The following MAGI1 variants were observed in gnomAD, a reference collection of about 807,000 sequenced individuals.
MAGI1 encodes the protein membrane-associated guanylate kinase, WW and PDZ domain-containing protein 1.
In MAGI1, 58 loss-of-function variants were observed where a neutral mutation model predicts 139.9. The ratio of observed to expected loss-of-function variants is 0.41; its 90% CI spans 0.34 to 0.52. MAGI1 has a LOEUF of 0.52. Among genes scored for constraint, MAGI1 ranks in the 20% least tolerant of loss-of-function variants. The pLI is 0.12. For missense variants in MAGI1, 1,874 were observed against 1,901.6 expected (o/e 0.99, Z 0.27); for synonymous variants, 812 against 737.9 (o/e 1.10, Z -1.63).
At chr3:65,629,360 C>T (rs2084157327) in intron 1 of MAGI1, among the ~76,000 whole-genome samples, 1 of 152,156 alleles carries the variant, frequency 6.6e-6, no homozygotes, top group Non-Finnish European at 1.5e-5. Context: ...AATGGTATTT[C>T]ATTACAATTA....
chr3:65,969,899 G>A (rs1266584758), intron 1 of MAGI1, among the ~76,000 whole-genome samples: 2 of 152,148 alleles, frequency 1.3e-5, no homozygotes, highest in African/African-American at 4.8e-5. Context: ...TCTAAGTACT[G>A]AGAGCATTTA....
At chr3:65,566,872 T>A (rs947493024) in intron 2 of MAGI1, among the ~76,000 whole-genome samples, 25 of 151,634 alleles carry the variant, frequency 1.6e-4, no homozygotes, top group Non-Finnish European at 3.4e-4. Flanking sequence ...GCTGGGATTA[T>A]AGGCATGAGC....
intron 1 of MAGI1, among the ~76,000 whole-genome samples, chr3:65,900,808 C>G (rs967550728): frequency 6.6e-6 from 1 of 152,206 alleles, no homozygotes; most frequent in African/African-American, 2.4e-5. Context: ...CTATTATGAA[C>G]CATTGAGAAT....
Position 65,981,151 on chromosome 3 carries a change from C to CAAA in MAGI1, c.313+56842_313+56844dup, listed in dbSNP as rs11429632. On this transcript the variant is annotated intron_variant, in intron 1 of 22. Transcript: ENST00000402939. ...TGGGTGACAGAGTGAGACTCCATCT[C>CAAA]AAAAAAAAAAAAAAAGAAAAGGAAA... 8.1e-4 allele frequency among the ~76,000 whole-genome samples: 105 copies of CAAA among 129,256 alleles called. 3 individuals carry two copies. The highest frequency in any genetic ancestry group is 2.1e-3 in the South Asian group (8 of 3,776). The allele number at this position is 129,256 out of a possible 152,430, so 84.8% of individuals were successfully genotyped here. A position where few individuals can be genotyped will look rare whatever the true frequency, so the allele number is the denominator to read the frequency against.
chr3:65,548,511 C>CTTTT lies in MAGI1; in HGVS notation c.431-54884_431-54881dup, dbSNP rs1170215972. ...AGCCCAGCTTTATGCAAACAACACT[C>CTTTT]TTTTTTTTTTTTTTTTTTTTTTTTT... On this transcript the variant is annotated intron_variant, in intron 2 of 22. Coordinates refer to ENST00000402939, the MANE Select transcript of MAGI1 (RefSeq NM_001033057.2). Among the ~76,000 whole-genome samples, 41 of 87,382 alleles carry CTTTT rather than the reference C, an allele frequency of 4.7e-4. 4 individuals are homozygous for CTTTT. The highest frequency in any genetic ancestry group is 1.4e-3 in the Admixed American group (9 of 6,596). The allele number at this position is 87,382 out of a possible 152,430, so 57.3% of individuals were successfully genotyped here.
At chr3:65,404,514 G>A (rs542887799) in intron 12 of MAGI1, among the ~76,000 whole-genome samples, 22 of 152,170 alleles carry the variant, frequency 1.4e-4, no homozygotes, top group African/African-American at 5.1e-4. Flanking sequence ...AGCAGGTTAC[G>A]ACCACAAATT....
intron 1 of MAGI1, among the ~76,000 whole-genome samples, chr3:65,866,351 C>CTTTT (rs60871707): frequency 1.5e-5 from 2 of 133,262 alleles, no homozygotes; most frequent in Non-Finnish European, 1.6e-5. Flanking sequence ...GTGCCTACTT[C>CTTTT]TTTTTTTTTT....
intron 1 of MAGI1, among the ~76,000 whole-genome samples, chr3:65,884,765 G>A (rs1431158708): frequency 6.6e-6 from 1 of 152,092 alleles, no homozygotes; most frequent in Admixed American, 6.5e-5. Context: ...CACTTTGGGA[G>A]GCCCAGTGTC....
intron 17 of MAGI1, among the ~76,000 whole-genome samples, chr3:65,377,564 T>A (rs1281659494): frequency 1.3e-5 from 2 of 152,212 alleles, no homozygotes; most frequent in African/African-American, 4.8e-5. Context: ...AATTCTGAAA[T>A]AGTTAGGAAC....
chr3:65,519,381 CACACAT>C (rs60584659), intron 2 of MAGI1, among the ~76,000 whole-genome samples: 778 of 46,504 alleles, frequency 0.017, 8 homozygotes, highest in African/African-American at 0.038. Context: ...CACACACACA[CACACAT>C]ATATATAATT....
chr3:65,640,194 A>G (rs2084908403), intron 1 of MAGI1, among the ~76,000 whole-genome samples: 2 of 151,916 alleles, frequency 1.3e-5, no homozygotes, highest in African/African-American at 2.4e-5. Flanking sequence ...GTGTGAGCCA[A>G]TTCCTTAAAT....
chr3:65,536,934 C>A (rs1337124712), intron 2 of MAGI1, among the ~76,000 whole-genome samples: 1 of 152,068 alleles, frequency 6.6e-6, no homozygotes, highest in African/African-American at 2.4e-5. Flanking sequence ...GCCAGCCATG[C>A]CCGTAGGTAG....
chr3:65,824,587 T>C (rs1473241606), intron 1 of MAGI1, among the ~76,000 whole-genome samples: 2 of 152,208 alleles, frequency 1.3e-5, no homozygotes, highest in Non-Finnish European at 2.9e-5. Flanking sequence ...AAAATAAATC[T>C]GTCCTCTGCT....
chr3:65,527,801 AC>A (rs748085202), intron 2 of MAGI1, among the ~76,000 whole-genome samples: 21 of 151,764 alleles, frequency 1.4e-4, no homozygotes, highest in Non-Finnish European at 2.5e-4. Flanking sequence ...TGCAATCCCA[AC>A]TACTCAGGAG....
At chr3:65,611,640 CTAG>C (rs1288314221) in intron 2 of MAGI1, among the ~76,000 whole-genome samples, 2 of 139,020 alleles carry the variant, frequency 1.4e-5, no homozygotes, top group Admixed American at 7.3e-5. Flanking sequence ...TATATATATA[CTAG>C]TATTATATAT....
chr3:65,770,614 T>C (rs2037869851), intron 1 of MAGI1, among the ~76,000 whole-genome samples: 1 of 152,190 alleles, frequency 6.6e-6, no homozygotes. Context: ...ATGCTTTTAA[T>C]AGGTAATGTG....
At chr3:66,014,320 C>T (rs770930182) in intron 1 of MAGI1, among the ~76,000 whole-genome samples, 50 of 152,144 alleles carry the variant, frequency 3.3e-4, no homozygotes, top group Non-Finnish European at 4.1e-4. Flanking sequence ...ATTTTTAAGG[C>T]ACACACAAGC....
intron 1 of MAGI1, among the ~76,000 whole-genome samples, chr3:65,869,600 CTG>C (rs1443822971): frequency 1.6e-4 from 25 of 152,056 alleles, no homozygotes; most frequent in African/African-American, 5.8e-4. Context: ...CAGGGTTTCA[CTG>C]TGTTAGCCAG....
intron 3 of MAGI1, among the ~76,000 whole-genome samples, chr3:65,483,065 T>C (rs964647590): frequency 2.6e-5 from 4 of 152,250 alleles, no homozygotes; most frequent in African/African-American, 9.6e-5. Context: ...TACAGGGGCA[T>C]GAGCAGAGGC....
Sources: allele counts gnomAD v4.1 joint callset (sites outside exome capture counted in the v4.1 genomes callset), GRCh38; gene constraint gnomAD v4.1.1; transcripts MANE v1.5; gene names NCBI Gene and HGNC (gene_info 2026-07-23, HGNC 2026-07-21).